JAZF1: variants seen among roughly 807,000 people sequenced by gnomAD.
JAZF1 encodes JAZF zinc finger 1.
A neutral mutation model predicts 26.4 loss-of-function variants in JAZF1; 8 were observed. The observed-to-expected ratio is 0.30, with a 90% CI of 0.18 to 0.55. JAZF1 has a LOEUF of 0.55. JAZF1 is among the 20% of genes least tolerant of loss of function. The pLI is 0.94. For missense variants in JAZF1, 199 were observed against 322.0 expected, an observed-to-expected ratio of 0.62 and a Z score of 2.92; for synonymous variants, 126 against 122.3, an observed-to-expected ratio of 1.03 and a Z score of -0.20.
chr7:28,082,168 T>C (rs1784147978), intron 1 of JAZF1, among the ~76,000 whole-genome samples: 2 of 152,172 alleles, frequency 1.3e-5, no homozygotes, highest in African/African-American at 2.4e-5. Context: ...CAGGTCCCTC[T>C]GACAAAATGA....
intron 1 of JAZF1, among the ~76,000 whole-genome samples, chr7:28,081,419 G>A (rs1434984289): frequency 6.6e-6 from 1 of 152,158 alleles, no homozygotes; most frequent in Non-Finnish European, 1.5e-5. Flanking sequence ...GCACTTCGGG[G>A]CACCAGATGC....
At chr7:28,014,218 A>G (rs1782844919) in intron 1 of JAZF1, among the ~76,000 whole-genome samples, 1 of 152,102 alleles carries the variant, frequency 6.6e-6, no homozygotes, top group Admixed American at 6.5e-5. Context: ...GAAAATGCCA[A>G]TTGCATTTGG....
At chr7:27,925,708 T>C (rs1784593624) in intron 2 of JAZF1, among the ~76,000 whole-genome samples, 1 of 152,244 alleles carries the variant, frequency 6.6e-6, no homozygotes. Flanking sequence ...ATTACAGGCA[T>C]GAGCCATGTG....
chr7:28,064,954 T>C (rs568181702), intron 1 of JAZF1, among the ~76,000 whole-genome samples: 2 of 152,334 alleles, frequency 1.3e-5, no homozygotes, highest in South Asian at 4.1e-4. Context: ...TCTGAGAATC[T>C]AAGTGTGAAG....
chr7:27,914,414 T>A (rs914048378), intron 2 of JAZF1, among the ~76,000 whole-genome samples: 4 of 152,256 alleles, frequency 2.6e-5, no homozygotes, highest in Admixed American at 6.5e-5. Flanking sequence ...AGAAGACCAC[T>A]GTGTATGGTT....
At chr7:27,959,831 C>CG (rs1406998163) in intron 2 of JAZF1, among the ~76,000 whole-genome samples, 4 of 151,206 alleles carry the variant, frequency 2.6e-5, no homozygotes, top group Admixed American at 6.6e-5. Flanking sequence ...ACCCAGGAGG[C>CG]GGAGGTTGCA....
intron 1 of JAZF1, among the ~76,000 whole-genome samples, chr7:28,153,646 G>T (rs1230253998): frequency 4.6e-5 from 7 of 152,086 alleles, no homozygotes; most frequent in Non-Finnish European, 1.0e-4. Context: ...CCTCATATCT[G>T]GAACTATGTT....
chr7:27,882,001 T>C (rs932706854), intron 3 of JAZF1, among the ~76,000 whole-genome samples: 1 of 152,128 alleles, frequency 6.6e-6, no homozygotes, highest in African/African-American at 2.4e-5. Context: ...ATGTGAAAAA[T>C]AAAAAATGCA....
chr7:28,014,898 C>T (rs1227849898), intron 1 of JAZF1, among the ~76,000 whole-genome samples: 1 of 152,206 alleles, frequency 6.6e-6, no homozygotes, highest in Non-Finnish European at 1.5e-5. Context: ...TGGGCTCACC[C>T]ACTCAACAAG....
chr7:27,845,717 A>G (rs1475206635), intron 3 of JAZF1, among the ~76,000 whole-genome samples: 10 of 142,930 alleles, frequency 7.0e-5, no homozygotes, highest in African/African-American at 2.5e-4. Flanking sequence ...AAAAAAAAGA[A>G]AAGAAAAAGA....
intron 1 of JAZF1, among the ~76,000 whole-genome samples, chr7:28,036,129 A>G (rs1381866784): frequency 6.6e-6 from 1 of 152,220 alleles, no homozygotes; most frequent in African/African-American, 2.4e-5. Flanking sequence ...ATGCACTAAT[A>G]TGTAACAACT....
rs568389631 is a variant in JAZF1, at chr7:27,987,726, C to T, written c.188+4183G>A. On this transcript the variant is annotated intron_variant, in intron 2 of 4. Coordinates refer to ENST00000283928, the MANE Select transcript of JAZF1 (RefSeq NM_175061.4). ...GCTCATTGAGAACGGGCCATGATGA[C>T]GATGGCGGTTTTGTTGAATAGAAAA... is the stretch of plus-strand genomic sequence containing the variant. 2.8e-4 allele frequency among the ~76,000 whole-genome samples: 43 copies of T among 152,334 alleles called. No homozygotes were observed. The South Asian group carries it at 6.6e-3, about 23-fold the overall frequency.
intron 2 of JAZF1, among the ~76,000 whole-genome samples, chr7:27,978,766 T>C (rs1785520113): frequency 6.6e-6 from 1 of 152,210 alleles, no homozygotes; most frequent in Non-Finnish European, 1.5e-5. Context: ...GAGGATCTGA[T>C]AAATCTTATG....
At chr7:28,093,479 T>G (rs372606902) in intron 1 of JAZF1, among the ~76,000 whole-genome samples, 2 of 152,216 alleles carry the variant, frequency 1.3e-5, no homozygotes, top group African/African-American at 2.4e-5. Flanking sequence ...AGCAGCGTTA[T>G]CAGCAGCGTG....
intron 1 of JAZF1, among the ~76,000 whole-genome samples, chr7:28,108,518 G>A (rs938683741): frequency 9.2e-5 from 14 of 152,060 alleles, no homozygotes; most frequent in East Asian, 3.9e-4. Context: ...AGTTTCTTAC[G>A]GATCTGATCA....
At chr7:28,130,300 A>C (rs1782769532) in intron 1 of JAZF1, among the ~76,000 whole-genome samples, 2 of 152,222 alleles carry the variant, frequency 1.3e-5, no homozygotes, top group Non-Finnish European at 2.9e-5. Context: ...TGGAAAAAAA[A>C]CAAAACAAAA....
At chr7:27,880,995 T>C (rs1383427020) in intron 3 of JAZF1, among the ~76,000 whole-genome samples, 1 of 152,238 alleles carries the variant, frequency 6.6e-6, no homozygotes, top group Non-Finnish European at 1.5e-5. Flanking sequence ...ATTTACTATT[T>C]ACTTGGCAAG....
chr7:28,067,379 T>C (rs1026824080), intron 1 of JAZF1, among the ~76,000 whole-genome samples: 78 of 152,218 alleles, frequency 5.1e-4, no homozygotes, highest in African/African-American at 1.8e-3. Context: ...AATGCTGTTG[T>C]GCCCATATCC....
At chr7:28,048,708 G>A (rs2128379201) in intron 1 of JAZF1, among the ~76,000 whole-genome samples, 1 of 152,294 alleles carries the variant, frequency 6.6e-6, no homozygotes, top group Middle Eastern at 3.4e-3. Context: ...GTAAATGAAT[G>A]TTCATAGCAG....
Sources: gnomAD v4.1 joint callset for allele counts (sites outside exome capture counted in the v4.1 genomes callset) on GRCh38, gnomAD v4.1.1 for gene constraint, MANE v1.5 for transcripts, NCBI Gene and HGNC (gene_info 2026-07-23, HGNC 2026-07-21) for gene names.